The following TSC22D1 variants were observed in gnomAD, a reference collection of about 807,000 sequenced individuals.
TSC22D1 encodes TSC22 domain family protein 1.
TSC22D1 carries 9 observed loss-of-function variants against 74.2 expected under a neutral mutation model. The ratio of observed to expected loss-of-function variants is 0.12; its 90% CI spans 0.07 to 0.21. The LOEUF is 0.21. Ranked by LOEUF, TSC22D1 falls within the 10% of genes least tolerant of loss-of-function variation. The probability of loss-of-function intolerance (pLI) is 1.00; values close to 1 mark genes in which losing one functional copy is unlikely to be tolerated. For synonymous variants in TSC22D1, 586 were observed against 492.5 expected (o/e 1.19, Z -2.51); for missense variants, 1,427 against 1,304.7 (o/e 1.09, Z -1.44).
intron 1 of TSC22D1, among the ~76,000 whole-genome samples, chr13:44,475,842 A>C (rs1384678379): frequency 3.9e-5 from 6 of 152,190 alleles, no homozygotes; most frequent in Admixed American, 3.9e-4. Flanking sequence ...CTCCACCAAA[A>C]AGTCCTACAA....
chr13:44,517,859 T>TTA (rs1880124325), intron 1 of TSC22D1, among the ~76,000 whole-genome samples: 1 of 14,332 alleles, frequency 7.0e-5, no homozygotes, highest in African/African-American at 1.7e-4. Context: ...ATATATATAT[T>TTA]TTTTTTTTTT....
intron 1 of TSC22D1, among the ~76,000 whole-genome samples, chr13:44,508,753 TTGCTCCCCA>T (rs1403573362): frequency 6.6e-6 from 1 of 152,076 alleles, no homozygotes; most frequent in African/African-American, 2.4e-5. Context: ...CACTGTCCCC[TTGCTCCCCA>T]TGCTCCAGCC....
chr13:44,448,103 G>T (rs1875833467), intron 1 of TSC22D1, among the ~76,000 whole-genome samples: 1 of 151,970 alleles, frequency 6.6e-6, no homozygotes, highest in South Asian at 2.1e-4. Context: ...GAAGCCAAAT[G>T]ATATTCTATA....
chr13:44,538,634 G>C (rs1227737427), intron 1 of TSC22D1: 1 of 985,182 alleles, frequency 1.0e-6, no homozygotes, highest in Non-Finnish European at 1.2e-6. Context: ...ATTCCAATCT[G>C]AAAAGATTAT....
intron 1 of TSC22D1, among the ~76,000 whole-genome samples, chr13:44,454,458 T>C (rs1159973850): frequency 6.6e-6 from 1 of 152,152 alleles, no homozygotes; most frequent in Non-Finnish European, 1.5e-5. Context: ...CTAAGAACGT[T>C]ATCAACACCA....
intron 1 of TSC22D1, among the ~76,000 whole-genome samples, chr13:44,443,206 G>A (rs1315172490): frequency 1.3e-5 from 2 of 151,774 alleles, no homozygotes; most frequent in Non-Finnish European, 2.9e-5. Context: ...CTTAGAAGCA[G>A]CTGGAAAAAA....
chr13:44,490,934 A>AT (rs1878678060), intron 1 of TSC22D1, among the ~76,000 whole-genome samples: 2 of 128,166 alleles, frequency 1.6e-5, no homozygotes, highest in South Asian at 2.7e-4. Context: ...TCTCATTAAA[A>AT]AAAATATATA....
chr13:44,559,496 T>G (rs768044221), intron 1 of TSC22D1, among the ~76,000 whole-genome samples: 1 of 152,082 alleles, frequency 6.6e-6, no homozygotes, highest in African/African-American at 2.4e-5. Flanking sequence ...CACAACAAAT[T>G]TGTTTAGAGG....
rs1881158428 is a variant in TSC22D1 at position 44,536,905 on chromosome 13, A to G, written c.2912+36258T>C. ...GACCCCCACGAAGAATCACCTTAAC[A>G]GTTCAAAAAAGTATTTTTCTGAAAA... On this transcript the variant is annotated intron_variant, in intron 1 of 2. Coordinates refer to ENST00000458659, the MANE Select transcript of TSC22D1 (RefSeq NM_183422.4). 1.1e-5 allele frequency: 7 copies of G among 653,526 alleles called. No individual in the cohort carries two copies. In the African/African-American group the frequency reaches 1.2e-4, roughly 12 times the overall value. The allele number at this position is 653,526 out of a possible 1,614,324, so 40.5% of individuals were successfully genotyped here.
At chr13:44,454,841 C>T (rs1355221373) in intron 1 of TSC22D1, among the ~76,000 whole-genome samples, 1 of 132,682 alleles carries the variant, frequency 7.5e-6, no homozygotes, top group African/African-American at 2.6e-5. Context: ...AAAAATACTT[C>T]TGCACTCTTA....
At chr13:44,487,474 G>C (rs1306987405) in intron 1 of TSC22D1, among the ~76,000 whole-genome samples, 1 of 114,820 alleles carries the variant, frequency 8.7e-6, no homozygotes, top group East Asian at 2.9e-4. Flanking sequence ...ACTCCAGCCT[G>C]GGCAACAGAG....
At position 44,575,502 on chromosome 13, in the gene TSC22D1, G is replaced by A; in HGVS notation, c.573C>T (p.Pro191=). Reference sequence around the variant, plus strand: ...GAGGCTGAGGAAGGTGGGGCTGGTTGGGAGAGACTGCCCCAGGTGTCTCGG... The same window carrying A: ...GAGGCTGAGGAAGGTGGGGCTGGTTAGGAGAGACTGCCCCAGGTGTCTCGG... ...QEAETPGAVS[P]NQPHLPQPHL... The change falls in exon 1 of 3, where the codon CCC becomes CCT. Residue 191 remains proline, a synonymous_variant. Coordinates refer to ENST00000458659, the MANE Select transcript of TSC22D1 (RefSeq NM_183422.4). The A allele has an allele frequency of 6.2e-7, 1 of 1,614,126 alleles. No individual in the cohort carries two copies. The highest frequency in any genetic ancestry group is 8.5e-7 in the Non-Finnish European group (1 of 1,180,032).
intron 1 of TSC22D1, among the ~76,000 whole-genome samples, chr13:44,474,643 C>T (rs947518041): frequency 6.7e-6 from 1 of 149,940 alleles, no homozygotes; most frequent in Non-Finnish European, 1.5e-5. Flanking sequence ...AATAAGGATG[C>T]AAGAATGGAA....
At chr13:44,536,888 C>A (rs756497517) in intron 1 of TSC22D1, 2 of 959,680 alleles carry the variant, frequency 2.1e-6, no homozygotes, top group Middle Eastern at 5.5e-4. Flanking sequence ...GTGACCCCCA[C>A]GAAGAATCAC....
In TSC22D1 at chr13:44,480,265, A is replaced by G. The variant is rs538459063; in HGVS notation, c.2913-44170T>C. Among the ~76,000 whole-genome samples the G allele has an allele frequency of 4.6e-5, 7 of 152,346 alleles. No individual in the cohort carries two copies. In the South Asian group the frequency reaches 1.5e-3, roughly 32 times the overall value. On this transcript the variant is annotated intron_variant, in intron 1 of 2. Transcript: ENST00000458659. Reference sequence around the variant, plus strand: ...AACATTCATTAACATTAAAAAATTAAGATTGGAAAATCAATTTTCTTATGG... The same window carrying G: ...AACATTCATTAACATTAAAAAATTAGGATTGGAAAATCAATTTTCTTATGG...
chr13:44,516,566 G>C (rs1210793639), intron 1 of TSC22D1, among the ~76,000 whole-genome samples: 1 of 151,762 alleles, frequency 6.6e-6, no homozygotes, highest in Non-Finnish European at 1.5e-5. Context: ...CATTATACCA[G>C]TAAAGAAATA....
At chr13:44,569,399 G>C (rs554382889) in intron 1 of TSC22D1, among the ~76,000 whole-genome samples, 1 of 152,198 alleles carries the variant, frequency 6.6e-6, no homozygotes, top group Admixed American at 6.5e-5. Flanking sequence ...AGGTGAAAGT[G>C]ATTGTTTCTA....
chr13:44,568,628 T>C (rs2138229615), intron 1 of TSC22D1, among the ~76,000 whole-genome samples: 1 of 152,330 alleles, frequency 6.6e-6, no homozygotes, highest in East Asian at 1.9e-4. Flanking sequence ...TGAGCCACCA[T>C]GGCCAGCCCC....
chr13:44,515,786 CAT>C (rs1482967147), intron 1 of TSC22D1, among the ~76,000 whole-genome samples: 1 of 152,212 alleles, frequency 6.6e-6, no homozygotes, highest in Admixed American at 6.5e-5. Flanking sequence ...TCTGAAATAA[CAT>C]ATAAAAAACT....
Sources: gnomAD v4.1 joint callset for allele counts (sites outside exome capture counted in the v4.1 genomes callset) on GRCh38, gnomAD v4.1.1 for gene constraint, MANE v1.5 for transcripts, NCBI Gene and HGNC (gene_info 2026-07-23, HGNC 2026-07-21) for gene names.